The following IRF2BPL variants were observed in gnomAD, a reference collection of about 807,000 sequenced individuals.
The protein encoded by IRF2BPL is probable E3 ubiquitin-protein ligase IRF2BPL.
Under a neutral mutation model 51.2 loss-of-function variants are expected in IRF2BPL, and 13 were observed. The observed-to-expected ratio is 0.25, with a 90% CI of 0.17 to 0.40. The LOEUF (loss-of-function observed/expected upper bound fraction) is 0.40. Ranked by LOEUF, IRF2BPL falls within the 10% of genes least tolerant of loss-of-function variation. The pLI, the probability that IRF2BPL is intolerant of heterozygous loss-of-function variation, is 1.00. For synonymous variants in IRF2BPL, 768 were observed against 509.2 expected, an observed-to-expected ratio of 1.51 and a Z score of -6.84; for missense variants, 1,210 against 1,111.8, an observed-to-expected ratio of 1.09 and a Z score of -1.26.
Position 77,026,821 on chromosome 14 carries a change from G to A in IRF2BPL, c.972C>T (p.Gly324=), listed in dbSNP as rs747594976. The change falls in exon 1 of 1, where the codon GGC becomes GGT. Residue 324 remains glycine, a synonymous_variant. Coordinates refer to ENST00000238647, the MANE Select transcript of IRF2BPL (RefSeq NM_024496.4). ...CGGGCCTCTTACCACCAGCACCCAC[G>A]CCCACCTCTGCCACCGACGAAGAGG... is the stretch of plus-strand genomic sequence containing the variant. The part of the protein sequence containing the change: ...SSTSSSVAEV[G]VGAGGKRPGS... The A allele has an allele frequency of 8.1e-6, 13 of 1,611,984 alleles. No homozygotes were observed. In the Admixed American group the frequency reaches 8.4e-5, roughly 10 times the overall value.
Position 77,026,778 on chromosome 14 carries a change from C to CTGT in IRF2BPL, c.1012_1014dup (p.Thr338dup). The stretch of plus-strand genomic sequence containing the variant: ...TTCTCCTTCAACTCGCGCTCCTGGT[C>CTGT]TGTGCTCGACACCGAGCCGGGCCTC... On this transcript the variant is annotated inframe_insertion, in exon 1 of 1. Transcript: ENST00000238647. The CTGT allele has an allele frequency of 2.5e-6, 4 of 1,612,720 alleles. No individual in the cohort carries two copies. Among genetic ancestry groups the CTGT allele is most frequent in the Non-Finnish European group, 3.4e-6 (4 of 1,179,834 alleles).
At position 77,028,210 on chromosome 14, in the gene IRF2BPL, C is replaced by G. The variant is rs1885223775; in HGVS notation, c.-418G>C. ...CGTGGAAGCTCGAAAGGGGCTGTCT[C>G]TTCCTCTCCCCGGGGACCCCCCTAC... On this transcript the variant is annotated 5_prime_UTR_variant, in exon 1 of 1. Coordinates refer to ENST00000238647, the MANE Select transcript of IRF2BPL (RefSeq NM_024496.4). 4.4e-6 allele frequency: 1 copy of G among 226,152 alleles called. No individual in the cohort carries two copies. Among genetic ancestry groups the G allele is most frequent in the Non-Finnish European group, 9.4e-6 (1 of 106,932 alleles). 14.0% of individuals were successfully genotyped at this position (226,152 alleles called of 1,614,324 possible).
In IRF2BPL at chr14:77,028,211, TTCC is replaced by T. The variant is rs1885223871; in HGVS notation, c.-422_-420del. On this transcript the variant is annotated 5_prime_UTR_variant, in exon 1 of 1. Transcript: ENST00000238647. Reference sequence around the variant, plus strand: ...GTGGAAGCTCGAAAGGGGCTGTCTCTTCCTCTCCCCGGGGACCCCCCTACGAGC... The same window carrying T: ...GTGGAAGCTCGAAAGGGGCTGTCTCTTCTCCCCGGGGACCCCCCTACGAGC... 2 of 221,740 alleles carry T rather than the reference TTCC, an allele frequency of 9.0e-6. No homozygotes were observed. Among genetic ancestry groups the T allele is most frequent in the Admixed American group, 1.2e-4 (2 of 17,018 alleles). The allele number at this position is 221,740 out of a possible 1,614,324, so 13.7% of individuals were successfully genotyped here. A position where few individuals can be genotyped will look rare whatever the true frequency, so the allele number is the denominator to read the frequency against.
chr14:77,027,903 G>T lies in IRF2BPL; in HGVS notation c.-111C>A. 1.5e-6 allele frequency: 2 copies of T among 1,293,626 alleles called. No individual in the cohort carries two copies. Among genetic ancestry groups the T allele is most frequent in the Non-Finnish European group, 2.0e-6 (2 of 987,996 alleles). The allele number at this position is 1,293,626 out of a possible 1,614,324, so 80.1% of individuals were successfully genotyped here. ...GAGTCCGACTGCGGGGGAGGGAGGAGGGGGGGCGAGAAAGTTCTGCCCCAG... is the reference window on the plus strand; with the variant it reads ...GAGTCCGACTGCGGGGGAGGGAGGATGGGGGGCGAGAAAGTTCTGCCCCAG... On this transcript the variant is annotated 5_prime_UTR_variant, in exon 1 of 1. Transcript: ENST00000238647.
In IRF2BPL at chr14:77,025,189, T is replaced by C; in HGVS notation, c.*213A>G. 2.3e-6 allele frequency: 1 copy of C among 435,254 alleles called. No homozygotes were observed. The highest frequency in any genetic ancestry group is 4.1e-6 in the Non-Finnish European group (1 of 244,918). 27.0% of individuals were successfully genotyped at this position (435,254 alleles called of 1,614,324 possible). A position where few individuals can be genotyped will look rare whatever the true frequency, so the allele number is the denominator to read the frequency against. On this transcript the variant is annotated 3_prime_UTR_variant, in exon 1 of 1. Transcript: ENST00000238647. Reference sequence around the variant, plus strand: ...CTGCTTAACACAAACCAGCTTATCCTTCAAATGAAGAAGTTACATACCTTT... The same window carrying C: ...CTGCTTAACACAAACCAGCTTATCCCTCAAATGAAGAAGTTACATACCTTT...
At position 77,026,026 on chromosome 14, in the gene IRF2BPL, C is replaced by T. The variant is rs1343991124; in HGVS notation, c.1767G>A (p.Pro589=). ...LTMSAGGFAA[P]GHAAGGPPPP... Reference sequence around the variant, plus strand: ...GAGGCGGACCCCCCGCCGCGTGCCCCGGCGCCGCGAAGCCCCCGGCGGACA... The same window carrying T: ...GAGGCGGACCCCCCGCCGCGTGCCCTGGCGCCGCGAAGCCCCCGGCGGACA... Residue 589 remains proline, a synonymous_variant, in exon 1 of 1, where the codon CCG becomes CCA. Coordinates refer to ENST00000238647, the MANE Select transcript of IRF2BPL (RefSeq NM_024496.4). 53 of 1,563,862 alleles carry T rather than the reference C, an allele frequency of 3.4e-5. No individual in the cohort carries two copies. Among genetic ancestry groups the T allele is most frequent in the Non-Finnish European group, 4.3e-5 (50 of 1,156,208 alleles).
rs202157663 is a variant in IRF2BPL at position 77,026,521 on chromosome 14, G to A, written c.1272C>T (p.Pro424=). The A allele has an allele frequency of 8.1e-5, 130 of 1,613,748 alleles. No homozygotes were observed. Among genetic ancestry groups the A allele is most frequent in the Admixed American group, 3.3e-5 (2 of 60,038 alleles). Residue 424 remains proline, a synonymous_variant, in exon 1 of 1, where the codon CCC becomes CCT. Coordinates refer to ENST00000238647, the MANE Select transcript of IRF2BPL (RefSeq NM_024496.4). ...TGGAGTACACGTTGCCCGAGCCCGT[G>A]GGGTACTCAATGAACAGCTTCAATT... ...DYELKLFIEY[P]TGSGNVYSSA... is the part of the protein sequence containing the mutation.
At position 77,024,896 on chromosome 14, in the gene IRF2BPL, C is replaced by T. The variant is rs990020956; in HGVS notation, c.*506G>A. The T allele has an allele frequency of 8.8e-6, 1 of 113,714 alleles. No individual in the cohort carries two copies. The highest frequency in any genetic ancestry group is 1.6e-5 in the Non-Finnish European group (1 of 60,844). The allele number at this position is 113,714 out of a possible 1,614,324, so 7.0% of individuals were successfully genotyped here. A position where few individuals can be genotyped will look rare whatever the true frequency, so the allele number is the denominator to read the frequency against. On this transcript the variant is annotated 3_prime_UTR_variant, in exon 1 of 1. Transcript: ENST00000238647. ...ACACTTGGGGCAGTTTAGAAGGAAG[C>T]TTTCACCATTTTATAGCATTTTTTT...
chr14:77,027,140 G>C lies in IRF2BPL; in HGVS notation c.653C>G (p.Ser218Cys), dbSNP rs148905018. ...PPELNRQSPN[S>C]SSAAASVASR... ...CGCCACCGACGCCGCCGCTGAAGAAGAATTGGGGCTCTGACGGTTCAGCTC... is the reference window on the plus strand; with the variant it reads ...CGCCACCGACGCCGCCGCTGAAGAACAATTGGGGCTCTGACGGTTCAGCTC... The change falls in exon 1 of 1, where the codon TCT (serine) becomes TGT (cysteine). Residue 218 changes from serine to cysteine, a missense_variant. By Grantham distance (112) the Ser-to-Cys change is moderately radical. Transcript: ENST00000238647. 1 of 1,613,122 alleles carries C rather than the reference G, an allele frequency of 6.2e-7. No homozygotes were observed. Among genetic ancestry groups the C allele is most frequent in the Non-Finnish European group, 8.5e-7 (1 of 1,179,674 alleles).
In IRF2BPL at chr14:77,027,304, AGCG is replaced by A. The variant is rs371633333; in HGVS notation, c.486_488del (p.Ala164del). ...CGAAGCGGCTGCGCTGTTCCACCGCAGCGGCGGCGGCGGCGGCGGCGGCGGCGG... is the reference window on the plus strand; with the variant it reads ...CGAAGCGGCTGCGCTGTTCCACCGCAGCGGCGGCGGCGGCGGCGGCGGCGG... On this transcript the variant is annotated inframe_deletion, in exon 1 of 1. Transcript: ENST00000238647. 0.025 allele frequency: 37,362 copies of A among 1,521,398 alleles called. 503 individuals are homozygous for A. Among genetic ancestry groups the A allele is most frequent in the African/African-American group, 0.055 (3,841 of 69,740 alleles). The allele number at this position is 1,521,398 out of a possible 1,614,324, so 94.2% of individuals were successfully genotyped here.
chr14:77,027,909 GC>G lies in IRF2BPL; in HGVS notation c.-118del. ...GACTGCGGGGGAGGGAGGAGGGGGG[GC>G]GAGAAAGTTCTGCCCCAGGGGCTGG... On this transcript the variant is annotated 5_prime_UTR_variant, in exon 1 of 1. Transcript: ENST00000238647. 1 of 1,282,696 alleles carries G rather than the reference GC, an allele frequency of 7.8e-7. No individual in the cohort carries two copies. The allele number at this position is 1,282,696 out of a possible 1,614,324, so 79.5% of individuals were successfully genotyped here.
rs764514213 is a variant in IRF2BPL at position 77,027,816 on chromosome 14, GC to G, written c.-25del. The G allele has an allele frequency of 1.3e-6, 2 of 1,496,354 alleles. No individual in the cohort carries two copies. Among genetic ancestry groups the G allele is most frequent in the Admixed American group, 2.0e-5 (1 of 50,248 alleles). 92.7% of individuals were successfully genotyped at this position (1,496,354 alleles called of 1,614,324 possible). On this transcript the variant is annotated 5_prime_UTR_variant, in exon 1 of 1. Transcript: ENST00000238647. ...ATGATGCCTGCCCTGGGGAAGGTAG[GC>G]CCCCGCCCGGGCTGTCTCCGCGGCG...
chr14:77,026,755 C>T lies in IRF2BPL; in HGVS notation c.1038G>A (p.Glu346=), dbSNP rs748782136. The change falls in exon 1 of 1, where the codon GAG becomes GAA. Residue 346 remains glutamate, a synonymous_variant. Transcript: ENST00000238647. ...CCAGGGCCTCGGCGTTGCGCTGCTT[C>T]TCCTTCAACTCGCGCTCCTGGTCTG... ...SSTDQERELK[E]KQRNAEALAE... 6.8e-6 allele frequency: 11 copies of T among 1,612,456 alleles called. No individual in the cohort carries two copies. The highest frequency in any genetic ancestry group is 5.1e-6 in the Non-Finnish European group (6 of 1,179,832).
chr14:77,025,790 C>T lies in IRF2BPL; in HGVS notation c.2003G>A (p.Gly668Glu). 6.2e-7 allele frequency: 1 copy of T among 1,611,026 alleles called. No individual in the cohort carries two copies. The highest frequency in any genetic ancestry group is 1.7e-5 in the Admixed American group (1 of 59,852). Reference protein sequence around the residue: ...SSPVSPASVPGQRRLASRNGD... With the variant: ...SSPVSPASVPEQRRLASRNGD... ...GTTACGTGATGCCAAGCGGCGCTGC[C>T]CCGGCACGGAGGCCGGCGAGACTGG... Residue 668 changes from glycine to glutamate, a missense_variant, in exon 1 of 1, where the codon GGG becomes GAG. Physicochemically the swap from Gly to Glu is moderately conservative, Grantham distance 98. Transcript: ENST00000238647.
rs181815043 is a variant in IRF2BPL, at chr14:77,028,058, G to A, written c.-266C>T. ...CTACTGCGGTTGACTCGTCGCGAGG[G>A]GAGCTCAGGCGCCTTCTTCCTGGTG... On this transcript the variant is annotated 5_prime_UTR_variant, in exon 1 of 1. Transcript: ENST00000238647. 132 of 385,156 alleles carry A rather than the reference G, an allele frequency of 3.4e-4. 1 individual carries two copies. The East Asian group carries it at 5.5e-3, about 16-fold the overall frequency. The allele number at this position is 385,156 out of a possible 1,614,324, so 23.9% of individuals were successfully genotyped here.
Position 77,027,279 on chromosome 14 carries a change from C to G in IRF2BPL, c.514G>C (p.Glu172Gln). 1.3e-6 allele frequency: 2 copies of G among 1,578,274 alleles called. No individual in the cohort carries two copies. Among genetic ancestry groups the G allele is most frequent in the Non-Finnish European group, 8.6e-7 (1 of 1,167,612 alleles). The change falls in exon 1 of 1, where the codon GAG (glutamate) becomes CAG (glutamine). Residue 172 changes from glutamate to glutamine, a missense_variant. Glu to Gln is a conservative substitution (Grantham distance 29). Coordinates refer to ENST00000238647, the MANE Select transcript of IRF2BPL (RefSeq NM_024496.4). ...AGGCTCACCGGCGGTGGCGGGTACT[C>G]GAAGCGGCTGCGCTGTTCCACCGCA... ...AAAVEQRSRFEYPPPPVSLGS... is the reference protein window; with the variant it reads ...AAAVEQRSRFQYPPPPVSLGS...
In IRF2BPL at chr14:77,026,092, C is replaced by G; in HGVS notation, c.1701G>C (p.Gln567His). Residue 567 changes from glutamine to histidine, a missense_variant, in exon 1 of 1, where the codon CAG becomes CAC. Gln to His is a conservative substitution (Grantham distance 24). Transcript: ENST00000238647. ...ALKLGEEQQRQQWMANQSEAL... is the reference protein window; with the variant it reads ...ALKLGEEQQRHQWMANQSEAL... ...CCTCGCTCTGGTTCGCCATCCACTG[C>G]TGCCTCTGCTGTTCCTCGCCCAGCT... The G allele has an allele frequency of 5.1e-6, 8 of 1,575,044 alleles. No homozygotes were observed. The highest frequency in any genetic ancestry group is 6.9e-6 in the Non-Finnish European group (8 of 1,165,602).
Position 77,025,772 on chromosome 14 carries a change from G to A in IRF2BPL, c.2021C>T (p.Ser674Leu). 3 of 1,607,200 alleles carry A rather than the reference G, an allele frequency of 1.9e-6. No homozygotes were observed. Among genetic ancestry groups the A allele is most frequent in the East Asian group, 2.2e-5 (1 of 44,780 alleles). Reference sequence around the variant, plus strand: ...CTGTAAATTCAGGTCCCCGTTACGTGATGCCAAGCGGCGCTGCCCCGGCAC... The same window carrying A: ...CTGTAAATTCAGGTCCCCGTTACGTAATGCCAAGCGGCGCTGCCCCGGCAC... ...ASVPGQRRLA[S>L]RNGDLNLQVA... The change falls in exon 1 of 1, where the codon TCA becomes TTA. Residue 674 changes from serine to leucine, a missense_variant. Ser to Leu is a moderately radical substitution (Grantham distance 145). Coordinates refer to ENST00000238647, the MANE Select transcript of IRF2BPL (RefSeq NM_024496.4).
At position 77,028,695 on chromosome 14, in the gene IRF2BPL, C is replaced by G; in HGVS notation, c.-903G>C. On this transcript the variant is annotated 5_prime_UTR_variant, in exon 1 of 1. Transcript: ENST00000238647. ...CTCGGCGCTCCTGCTCCGGCTGCGG[C>G]TCGCGCTGTCCCCGGCTTGGCCGCG... 2.8e-6 allele frequency: 1 copy of G among 354,616 alleles called. No homozygotes were observed. The highest frequency in any genetic ancestry group is 5.1e-6 in the Non-Finnish European group (1 of 197,488). The allele number at this position is 354,616 out of a possible 1,614,324, so 22.0% of individuals were successfully genotyped here.
Sources: allele counts gnomAD v4.1 joint callset, GRCh38; gene constraint gnomAD v4.1.1; transcripts MANE v1.5; gene names NCBI Gene and HGNC (gene_info 2026-07-23, HGNC 2026-07-21).